Variants in FBXL17 observed in about 807,000 individuals in gnomAD.
FBXL17 encodes the protein F-box and leucine rich repeat protein 17, also known as F-box/LRR-repeat protein 17.
A neutral mutation model predicts 66.2 loss-of-function variants in FBXL17; 22 were observed. That is an observed-to-expected ratio of 0.33 (90% CI 0.24 to 0.47). The LOEUF (loss-of-function observed/expected upper bound fraction) is 0.47. Ranked by LOEUF, FBXL17 falls within the 20% of genes least tolerant of loss-of-function variation. The pLI, the probability that FBXL17 is intolerant of heterozygous loss-of-function variation, is 1.00. For synonymous variants in FBXL17, 474 were observed against 400.5 expected, an observed-to-expected ratio of 1.18 and a Z score of -2.19; for missense variants, 878 against 948.2, an observed-to-expected ratio of 0.93 and a Z score of 0.97.
At chr5:107,991,377 A>G (rs1206919295) in intron 7 of FBXL17, among the ~76,000 whole-genome samples, 2 of 152,134 alleles carry the variant, frequency 1.3e-5, no homozygotes, top group Non-Finnish European at 2.9e-5. Flanking sequence ...CTTTAAATAT[A>G]TCCTCTTTTG....
At chr5:108,065,742 AAG>A (rs1748092346) in intron 6 of FBXL17, among the ~76,000 whole-genome samples, 3 of 152,262 alleles carry the variant, frequency 2.0e-5, no homozygotes, top group South Asian at 4.1e-4. Flanking sequence ...TGGGTTTTAA[AAG>A]AGTCTCCTTT....
At chr5:107,989,821 T>TA (rs533526549) in intron 7 of FBXL17, among the ~76,000 whole-genome samples, 2 of 151,876 alleles carry the variant, frequency 1.3e-5, no homozygotes, top group Non-Finnish European at 2.9e-5. Context: ...TCTACATAAA[T>TA]AAAAAAAATA....
At chr5:107,871,749 G>GA (rs749231729) in intron 8 of FBXL17, among the ~76,000 whole-genome samples, 377 of 101,786 alleles carry the variant, frequency 3.7e-3, no homozygotes, top group East Asian at 0.013. Context: ...TCAGCAATTT[G>GA]AAAAAAAAAA....
In FBXL17 at chr5:107,861,562, A is replaced by G; in HGVS notation, c.*158T>C. The G allele has an allele frequency of 3.5e-6, 2 of 573,902 alleles. No individual in the cohort carries two copies. The highest frequency in any genetic ancestry group is 5.2e-6 in the Non-Finnish European group (2 of 387,010). 35.6% of individuals were successfully genotyped at this position (573,902 alleles called of 1,614,324 possible). A position where few individuals can be genotyped will look rare whatever the true frequency, so the allele number is the denominator to read the frequency against. ...TCACTTGGGAACAAATGACAACTGC[A>G]CTTTTGGTATGCAGTATGCAAACAA... On this transcript the variant is annotated 3_prime_UTR_variant, in exon 9 of 9. Coordinates refer to ENST00000542267, the MANE Select transcript of FBXL17 (RefSeq NM_001163315.3).
intron 4 of FBXL17, among the ~76,000 whole-genome samples, chr5:108,273,206 G>A (rs973054855): frequency 7.2e-5 from 11 of 152,136 alleles, no homozygotes; most frequent in Non-Finnish European, 1.6e-4. Flanking sequence ...ATAGGACCGA[G>A]GCGGGATAGC....
intron 6 of FBXL17, among the ~76,000 whole-genome samples, chr5:108,049,883 T>C (rs184094534): frequency 3.3e-5 from 5 of 151,986 alleles, no homozygotes; most frequent in African/African-American, 1.2e-4. Context: ...TAAACGGATA[T>C]AGGAACATTT....
At chr5:107,879,759 AG>A in intron 8 of FBXL17, 2 of 985,466 alleles carry the variant, frequency 2.0e-6, no homozygotes, top group Non-Finnish European at 2.4e-6. Flanking sequence ...TTACAAAAGT[AG>A]CACACATGTG....
rs537424234 is a variant in FBXL17, at chr5:108,159,398, A to C, written c.1745+26719T>G. Among the ~76,000 whole-genome samples the C allele has an allele frequency of 1.5e-3, 234 of 152,322 alleles. 1 individual carries two copies. The highest frequency in any genetic ancestry group is 2.4e-3 in the Non-Finnish European group (166 of 68,020). ...ATGTCTGTGTCCCCTGAAAACTCAT[A>C]TTTTGAAACACTAACCACCAAGGTG... On this transcript the variant is annotated intron_variant, in intron 6 of 8. Transcript: ENST00000542267.
At chr5:108,092,833 A>G (rs1749235331) in intron 6 of FBXL17, among the ~76,000 whole-genome samples, 1 of 152,172 alleles carries the variant, frequency 6.6e-6, no homozygotes, top group Non-Finnish European at 1.5e-5. Context: ...GATGTATGAC[A>G]TATTTTCAGA....
At chr5:108,245,766 G>T (rs1756067785) in intron 4 of FBXL17, among the ~76,000 whole-genome samples, 1 of 152,112 alleles carries the variant, frequency 6.6e-6, no homozygotes, top group South Asian at 2.1e-4. Flanking sequence ...ATACAAATCT[G>T]TTTAACTTTT....
chr5:107,879,052 T>C (rs1748699485), intron 8 of FBXL17: 5 of 985,326 alleles, frequency 5.1e-6, no homozygotes, highest in South Asian at 4.7e-5. Flanking sequence ...GGGTAGAAAA[T>C]AACCCATTTC....
intron 2 of FBXL17, among the ~76,000 whole-genome samples, chr5:108,366,722 C>G (rs1748690233): frequency 6.6e-6 from 1 of 152,018 alleles, no homozygotes; most frequent in East Asian, 1.9e-4. Context: ...CCTCACCATT[C>G]TCCTTGGATA....
At chr5:108,071,888 G>A (rs577140812) in intron 6 of FBXL17, among the ~76,000 whole-genome samples, 4 of 151,736 alleles carry the variant, frequency 2.6e-5, no homozygotes, top group African/African-American at 7.3e-5. Context: ...TAAATCAAAG[G>A]CCTAGCACAG....
intron 3 of FBXL17, among the ~76,000 whole-genome samples, chr5:108,362,174 A>C (rs1281912110): frequency 6.6e-6 from 1 of 152,134 alleles, no homozygotes; most frequent in Non-Finnish European, 1.5e-5. Context: ...GTTATTTTTA[A>C]AGACCTAAAA....
intron 3 of FBXL17, among the ~76,000 whole-genome samples, chr5:108,362,166 T>C (rs935101530): frequency 6.6e-6 from 1 of 152,174 alleles, no homozygotes; most frequent in Non-Finnish European, 1.5e-5. Context: ...TCTAAGTAGT[T>C]ATTTTTAAAG....
intron 7 of FBXL17, among the ~76,000 whole-genome samples, chr5:108,010,136 A>G (rs1441273006): frequency 6.6e-6 from 1 of 152,220 alleles, no homozygotes; most frequent in Non-Finnish European, 1.5e-5. Context: ...TGCAAAATGG[A>G]TTTCTCACTG....
intron 4 of FBXL17, among the ~76,000 whole-genome samples, chr5:108,303,226 T>A (rs1023137006): frequency 1.3e-5 from 2 of 151,730 alleles, no homozygotes; most frequent in Non-Finnish European, 2.9e-5. Flanking sequence ...TAAACCACAA[T>A]GTATGACGAA....
At chr5:108,060,734 A>G (rs1580387399) in intron 6 of FBXL17, among the ~76,000 whole-genome samples, 1 of 151,710 alleles carries the variant, frequency 6.6e-6, no homozygotes, top group Admixed American at 6.6e-5. Flanking sequence ...CCTCCCACAC[A>G]CAATCCTATG....
At chr5:108,245,644 T>C (rs1756061761) in intron 4 of FBXL17, among the ~76,000 whole-genome samples, 1 of 152,172 alleles carries the variant, frequency 6.6e-6, no homozygotes, top group Non-Finnish European at 1.5e-5. Flanking sequence ...CGTAACTCAG[T>C]CCCCTTGGCA....
Sources: allele counts gnomAD v4.1 joint callset (sites outside exome capture counted in the v4.1 genomes callset), GRCh38; gene constraint gnomAD v4.1.1; transcripts MANE v1.5; gene names NCBI Gene and HGNC (gene_info 2026-07-23, HGNC 2026-07-21).